SLC35F4: variants seen among roughly 807,000 people sequenced by gnomAD.
The protein encoded by SLC35F4 is solute carrier family 35 member F4, also known as chromosome 14 open reading frame 36.
In SLC35F4, 24 loss-of-function variants were observed where a neutral mutation model predicts 44.2. The observed-to-expected ratio is 0.54, with a 90% CI of 0.39 to 0.76. The LOEUF (loss-of-function observed/expected upper bound fraction) is 0.76. Among genes scored for constraint, SLC35F4 ranks in the 30% least tolerant of loss-of-function variants. The pLI is 0.00. For missense variants in SLC35F4, 562 were observed against 586.1 expected (o/e 0.96, Z 0.42); for synonymous variants, 238 against 223.6 (o/e 1.06, Z -0.57).
In SLC35F4 at chr14:57,859,494, T is replaced by C. The variant is rs1249211008; in HGVS notation, c.103+6229A>G. Reference sequence around the variant, plus strand: ...ATGTATTACTTAGGCAATTAGAGGATTGTGGTGTAGGGGGGAGAAATGTGT... The same window carrying C: ...ATGTATTACTTAGGCAATTAGAGGACTGTGGTGTAGGGGGGAGAAATGTGT... On this transcript the variant is annotated intron_variant, in intron 1 of 7. Transcript: ENST00000556826. Among the ~76,000 whole-genome samples the C allele has an allele frequency of 2.1e-4, 32 of 152,184 alleles. 1 individual carries two copies. The highest frequency in any genetic ancestry group is 2.1e-3 in the Admixed American group (32 of 15,274).
chr14:57,861,858 G>A (rs1887707671), intron 1 of SLC35F4, among the ~76,000 whole-genome samples: 1 of 152,072 alleles, frequency 6.6e-6, no homozygotes, highest in Non-Finnish European at 1.5e-5. Context: ...ATGTCAGAAT[G>A]TCTCAAAATT....
At chr14:57,743,092 T>C (rs978540958) in intron 1 of SLC35F4, among the ~76,000 whole-genome samples, 5 of 152,172 alleles carry the variant, frequency 3.3e-5, no homozygotes, top group African/African-American at 1.2e-4. Context: ...GGGAAATTTA[T>C]AGCACTAAAT....
chr14:57,623,563 A>C (rs1288296756), intron 1 of SLC35F4, among the ~76,000 whole-genome samples: 1 of 152,106 alleles, frequency 6.6e-6, no homozygotes, highest in Non-Finnish European at 1.5e-5. Context: ...ATTGGAAAAC[A>C]CTCGTCAGCA....
rs113892798 is a variant in SLC35F4, at chr14:57,564,482, T to C, written c.1217-106A>G. 12,453 of 1,434,610 alleles carry C rather than the reference T, an allele frequency of 8.7e-3. 67 individuals carry two copies. Among genetic ancestry groups the C allele is most frequent in the Non-Finnish European group, 0.01 (11,050 of 1,078,366 alleles). The allele number at this position is 1,434,610 out of a possible 1,614,324, so 88.9% of individuals were successfully genotyped here. On this transcript the variant is annotated intron_variant, in intron 7 of 7. Transcript: ENST00000556826. The stretch of plus-strand genomic sequence containing the variant: ...TCTAGAGATTTCCAAGAGTCTTCTT[T>C]ATTCTTCCAAGTTAGTGTTTCCTTT...
chr14:57,771,564 AT>A (rs1288352699), intron 1 of SLC35F4, among the ~76,000 whole-genome samples: 4 of 32,520 alleles, frequency 1.2e-4, no homozygotes, highest in African/African-American at 3.1e-4. Flanking sequence ...CACTTCACAA[AT>A]TTTTTCAACT....
intron 2 of SLC35F4, among the ~76,000 whole-genome samples, chr14:57,593,596 G>A (rs2076413277): frequency 6.6e-6 from 1 of 152,178 alleles, no homozygotes; most frequent in Admixed American, 6.5e-5. Flanking sequence ...GGTACATTGT[G>A]CTGTTACTGA....
chr14:57,935,976 A>G (rs1476631435), intron 1 of SLC35F4, among the ~76,000 whole-genome samples: 3 of 152,242 alleles, frequency 2.0e-5, no homozygotes, highest in African/African-American at 7.2e-5. Context: ...GAACTATGAC[A>G]GCATCTTTGC....
intron 1 of SLC35F4, among the ~76,000 whole-genome samples, chr14:57,931,172 G>T (rs1334931329): frequency 6.6e-6 from 1 of 152,140 alleles, no homozygotes; most frequent in Non-Finnish European, 1.5e-5. Context: ...TAGAATTCAG[G>T]TCTCTGTGAC....
intron 1 of SLC35F4, among the ~76,000 whole-genome samples, chr14:57,663,058 T>C (rs60358660): frequency 6.6e-6 from 1 of 152,188 alleles, no homozygotes. Flanking sequence ...AGAGTGGGAA[T>C]TACTCCCTGC....
At chr14:57,642,363 G>C (rs1019005953) in intron 1 of SLC35F4, among the ~76,000 whole-genome samples, 2 of 151,890 alleles carry the variant, frequency 1.3e-5, no homozygotes, top group Admixed American at 1.3e-4. Context: ...CTTGTGCTTA[G>C]GTGATCATTT....
At chr14:57,637,887 A>G (rs1381413749) in intron 1 of SLC35F4, among the ~76,000 whole-genome samples, 1 of 152,078 alleles carries the variant, frequency 6.6e-6, no homozygotes. Flanking sequence ...ATGGGAGGTC[A>G]GACACACTTC....
chr14:57,742,874 T>C (rs2140519523), intron 1 of SLC35F4, among the ~76,000 whole-genome samples: 1 of 152,282 alleles, frequency 6.6e-6, no homozygotes, highest in East Asian at 1.9e-4. Context: ...ACAAACTGTC[T>C]CTCAGACCAC....
At chr14:57,932,127 C>T (rs944107556) in intron 1 of SLC35F4, among the ~76,000 whole-genome samples, 5 of 152,108 alleles carry the variant, frequency 3.3e-5, no homozygotes, top group Non-Finnish European at 5.9e-5. Flanking sequence ...CCCAGTTTCC[C>T]GTCATATAAC....
chr14:57,854,086 G>GA (rs1358984386), intron 1 of SLC35F4, among the ~76,000 whole-genome samples: 1 of 151,962 alleles, frequency 6.6e-6, no homozygotes, highest in Non-Finnish European at 1.5e-5. Context: ...GAAAATCAGT[G>GA]AAAAAATGCT....
At chr14:57,803,536 G>T (rs1335298243) in intron 1 of SLC35F4, among the ~76,000 whole-genome samples, 3 of 148,098 alleles carry the variant, frequency 2.0e-5, no homozygotes, top group African/African-American at 7.4e-5. Context: ...CAGATGACAT[G>T]ATCCTATATC....
intron 1 of SLC35F4, among the ~76,000 whole-genome samples, chr14:57,598,784 C>T (rs1162276097): frequency 6.6e-6 from 1 of 152,102 alleles, no homozygotes; most frequent in Admixed American, 6.5e-5. Context: ...CCTATTTGCC[C>T]CAAATCGTGA....
intron 1 of SLC35F4, among the ~76,000 whole-genome samples, chr14:57,629,333 G>A (rs528676419): frequency 2.6e-5 from 4 of 152,176 alleles, no homozygotes; most frequent in African/African-American, 9.6e-5. Context: ...AGGCACAGTG[G>A]GAAACTATGA....
chr14:57,648,602 C>T lies in SLC35F4; in HGVS notation c.104-54478G>A, dbSNP rs569538275. 7.9e-5 allele frequency among the ~76,000 whole-genome samples: 12 copies of T among 152,270 alleles called. No homozygotes were observed. The Middle Eastern group carries it at 0.02, about 259-fold the overall frequency. The stretch of plus-strand genomic sequence containing the variant: ...GGCTTCTCTGCAAAACTATATTCCT[C>T]TCCCCTTTTCTTATTTTTTCAATTA... On this transcript the variant is annotated intron_variant, in intron 1 of 7. Transcript: ENST00000556826.
At chr14:57,963,642 A>G (rs1359836067) in intron 1 of SLC35F4, among the ~76,000 whole-genome samples, 1 of 151,842 alleles carries the variant, frequency 6.6e-6, no homozygotes, top group Admixed American at 6.6e-5. Context: ...GTGCTGAGAA[A>G]GAGACAGACG....
Sources: allele counts gnomAD v4.1 joint callset (sites outside exome capture counted in the v4.1 genomes callset), GRCh38; gene constraint gnomAD v4.1.1; transcripts MANE v1.5; gene names NCBI Gene and HGNC (gene_info 2026-07-23, HGNC 2026-07-21).